SCHIP1: variants seen among roughly 807,000 people sequenced by gnomAD.
SCHIP1 encodes schwannomin interacting protein 1.
A neutral mutation model predicts 29.7 loss-of-function variants in SCHIP1; 8 were observed. That is an observed-to-expected ratio of 0.27 (90% CI 0.16 to 0.49). SCHIP1 has a LOEUF of 0.49. Among genes scored for constraint, SCHIP1 ranks in the 20% least tolerant of loss-of-function variants. SCHIP1 has a pLI of 0.99. For synonymous variants in SCHIP1, 76 were observed against 94.9 expected (o/e 0.80, Z 1.16); for missense variants, 193 against 294.6 (o/e 0.66, Z 2.52).
At chr3:159,737,547 C>CA in the SCHIP1 span, among the ~76,000 whole-genome samples, 1 of 152,104 alleles carries the variant, frequency 6.6e-6, no homozygotes, top group Non-Finnish European at 1.5e-5. Flanking sequence ...GCCATCTCAC[C>CA]ACAGTTATGT....
chr3:159,720,356 C>T, the SCHIP1 span, among the ~76,000 whole-genome samples: 3 of 151,806 alleles, frequency 2.0e-5, no homozygotes, highest in Non-Finnish European at 2.9e-5. Flanking sequence ...GCACATTGTG[C>T]ACATGCACCC....
chr3:159,805,191 AAAG>A, the SCHIP1 span, among the ~76,000 whole-genome samples: 2 of 152,182 alleles, frequency 1.3e-5, no homozygotes, highest in African/African-American at 2.4e-5. Flanking sequence ...GTAGTTACTA[AAAG>A]AAGGAGAGTG....
the SCHIP1 span, among the ~76,000 whole-genome samples, chr3:159,507,413 C>G: frequency 5.9e-3 from 900 of 152,324 alleles, 13 homozygotes; most frequent in African/African-American, 0.021. Context: ...CATCTGCAAA[C>G]AGGGACAATT....
chr3:159,661,765 T>C, the SCHIP1 span, among the ~76,000 whole-genome samples: 6 of 152,124 alleles, frequency 3.9e-5, no homozygotes, highest in Non-Finnish European at 8.8e-5. Flanking sequence ...GCCCTTCCTT[T>C]TCCAAGGGAG....
chr3:159,535,079 C>T, the SCHIP1 span, among the ~76,000 whole-genome samples: 2 of 152,240 alleles, frequency 1.3e-5, no homozygotes, highest in African/African-American at 2.4e-5. Flanking sequence ...TAATTTAACA[C>T]GTTGAGCACC....
At chr3:159,878,822 AAAAAATAAAT>A (rs1560093978) in intron 2 of SCHIP1, among the ~76,000 whole-genome samples, 1 of 149,932 alleles carries the variant, frequency 6.7e-6, no homozygotes, top group Non-Finnish European at 1.5e-5. Context: ...AATAAAAAAT[AAAAAATAAAT>A]AAAAATAAAT....
the SCHIP1 span, among the ~76,000 whole-genome samples, chr3:159,519,054 T>G: frequency 3.9e-5 from 6 of 152,230 alleles, no homozygotes; most frequent in East Asian, 1.2e-3. Flanking sequence ...TAATAATGTA[T>G]GTCTTAGAAC....
At chr3:159,871,838 C>T (rs1230627574) in intron 2 of SCHIP1, among the ~76,000 whole-genome samples, 1 of 152,146 alleles carries the variant, frequency 6.6e-6, no homozygotes, top group Admixed American at 6.5e-5. Flanking sequence ...CCTCTTAAGA[C>T]AATAAATTTC....
At chr3:159,280,865 A>C in the SCHIP1 span, among the ~76,000 whole-genome samples, 1 of 152,188 alleles carries the variant, frequency 6.6e-6, no homozygotes, top group African/African-American at 2.4e-5. Flanking sequence ...TCCCACAAAC[A>C]GACAAAAAAG....
chr3:159,760,072 T>A, the SCHIP1 span, among the ~76,000 whole-genome samples: 10 of 140,618 alleles, frequency 7.1e-5, no homozygotes, highest in Admixed American at 7.6e-4. Flanking sequence ...TTTAAAGGAT[T>A]TGTTTTGCAG....
At chr3:159,675,155 A>G in the SCHIP1 span, among the ~76,000 whole-genome samples, 1 of 152,240 alleles carries the variant, frequency 6.6e-6, no homozygotes, top group Non-Finnish European at 1.5e-5. Context: ...AGAGGCAGAA[A>G]TGTTGAACTT....
chr3:159,669,029 C>G, the SCHIP1 span, among the ~76,000 whole-genome samples: 1 of 152,102 alleles, frequency 6.6e-6, no homozygotes, highest in Non-Finnish European at 1.5e-5. Context: ...CTACAAGAGA[C>G]CAGAATTTTC....
chr3:159,723,118 CA>C, the SCHIP1 span, among the ~76,000 whole-genome samples: 1 of 152,110 alleles, frequency 6.6e-6, no homozygotes, highest in African/African-American at 2.4e-5. Flanking sequence ...ATAGCTCATC[CA>C]AAATTTGAGA....
At chr3:159,685,802 A>C in the SCHIP1 span, among the ~76,000 whole-genome samples, 1 of 152,236 alleles carries the variant, frequency 6.6e-6, no homozygotes, top group Non-Finnish European at 1.5e-5. Flanking sequence ...GGGCTAACTT[A>C]TTCAGACCAA....
the SCHIP1 span, among the ~76,000 whole-genome samples, chr3:159,632,167 G>A: frequency 6.6e-6 from 1 of 152,134 alleles, no homozygotes; most frequent in East Asian, 1.9e-4. Flanking sequence ...AGAAAAATGT[G>A]GCTATGTGTC....
chr3:159,655,404 A>G, the SCHIP1 span, among the ~76,000 whole-genome samples: 1 of 151,334 alleles, frequency 6.6e-6, no homozygotes, highest in East Asian at 1.9e-4. Context: ...GATGATGGTG[A>G]TGATGATGAT....
the SCHIP1 span, among the ~76,000 whole-genome samples, chr3:159,363,568 G>A: frequency 0.57 from 87,379 of 152,004 alleles, 26,164 homozygotes; most frequent in Middle Eastern, 0.67. Context: ...CATCTGGCAG[G>A]CTTTGGTGGA....
At chr3:159,846,978 G>T (rs984972952) in intron 1 of SCHIP1, among the ~76,000 whole-genome samples, 1 of 152,026 alleles carries the variant, frequency 6.6e-6, no homozygotes, top group Non-Finnish European at 1.5e-5. Context: ...AATTAGCAGG[G>T]CTTCATTGTG....
At chr3:159,414,311 T>C in the SCHIP1 span, among the ~76,000 whole-genome samples, 3 of 152,210 alleles carry the variant, frequency 2.0e-5, no homozygotes, top group Non-Finnish European at 4.4e-5. Flanking sequence ...ATGACTTACA[T>C]GCATGACCTC....
Sources: allele counts gnomAD v4.1 joint callset (sites outside exome capture counted in the v4.1 genomes callset), GRCh38; gene constraint gnomAD v4.1.1; transcripts MANE v1.5; gene names NCBI Gene and HGNC (gene_info 2026-07-23, HGNC 2026-07-21).